The following CTNNA2 variants were observed in gnomAD, a reference collection of about 807,000 sequenced individuals.
The protein encoded by CTNNA2 is catenin alpha 2.
Under a neutral mutation model 101.0 loss-of-function variants are expected in CTNNA2, and 42 were observed. That is an observed-to-expected ratio of 0.42 (90% CI 0.32 to 0.54). The LOEUF is 0.54. CTNNA2 is among the 20% of genes least tolerant of loss of function. CTNNA2 has a pLI of 0.14. For missense variants in CTNNA2, 871 were observed against 1,223.1 expected (o/e 0.71, Z 4.29); for synonymous variants, 450 against 456.4 (o/e 0.99, Z 0.18).
At chr2:80,311,597 G>A (rs1390501958) in intron 7 of CTNNA2, among the ~76,000 whole-genome samples, 1 of 152,204 alleles carries the variant, frequency 6.6e-6, no homozygotes, top group Non-Finnish European at 1.5e-5. Flanking sequence ...TTATTAAGTA[G>A]CTGGCCAGCC....
chr2:80,434,910 A>G (rs1363368185), intron 9 of CTNNA2, among the ~76,000 whole-genome samples: 1 of 152,112 alleles, frequency 6.6e-6, no homozygotes, highest in East Asian at 1.9e-4. Flanking sequence ...TCTACTTTGA[A>G]TGAGTTTTTT....
At chr2:79,344,069 G>A (rs929648797) in intron 3 of CTNNA2, among the ~76,000 whole-genome samples, 1 of 152,126 alleles carries the variant, frequency 6.6e-6, no homozygotes, top group African/African-American at 2.4e-5. Flanking sequence ...TAGGTTGCCA[G>A]TCCTGGGCAG....
At chr2:80,522,453 C>T (rs1289137412) in intron 9 of CTNNA2, among the ~76,000 whole-genome samples, 2 of 152,106 alleles carry the variant, frequency 1.3e-5, no homozygotes, top group Admixed American at 6.5e-5. Context: ...GAACTGTGAC[C>T]GTTGCATTGA....
intron 3 of CTNNA2, among the ~76,000 whole-genome samples, chr2:79,755,046 C>A (rs934353392): frequency 1.3e-5 from 2 of 151,966 alleles, no homozygotes; most frequent in African/African-American, 4.8e-5. Flanking sequence ...CTATTCACAG[C>A]CGGGTACAGT....
At chr2:79,604,257 T>G in intron 1 of CTNNA2, among the ~76,000 whole-genome samples, 1 of 152,178 alleles carries the variant, frequency 6.6e-6, no homozygotes, top group East Asian at 1.9e-4. Context: ...AAGTCAATTA[T>G]GGAGTAAGGG....
At chr2:80,524,609 T>G (rs572778830) in intron 9 of CTNNA2, among the ~76,000 whole-genome samples, 1 of 152,260 alleles carries the variant, frequency 6.6e-6, no homozygotes, top group South Asian at 2.1e-4. Context: ...TACCCCAGTC[T>G]CTTTGGCCAT....
At chr2:79,384,177 G>A (rs540372949) in intron 4 of CTNNA2, among the ~76,000 whole-genome samples, 1 of 152,162 alleles carries the variant, frequency 6.6e-6, no homozygotes, top group Non-Finnish European at 1.5e-5. Flanking sequence ...AGCGTAAATT[G>A]CAGACCCATC....
At chr2:79,633,712 C>T (rs548153031) in intron 1 of CTNNA2, 13 of 152,312 alleles carry the variant, frequency 8.5e-5, no homozygotes, top group Middle Eastern at 3.4e-3. Context: ...TCAAAGGAAG[C>T]GTTTCATTCC....
chr2:80,435,752 C>T (rs1007984017), intron 9 of CTNNA2, among the ~76,000 whole-genome samples: 3 of 152,164 alleles, frequency 2.0e-5, no homozygotes, highest in Non-Finnish European at 2.9e-5. Flanking sequence ...ACTCCATAAG[C>T]GCTTAATAGC....
At chr2:80,523,023 A>G (rs1689704981) in intron 9 of CTNNA2, among the ~76,000 whole-genome samples, 1 of 152,146 alleles carries the variant, frequency 6.6e-6, no homozygotes, top group South Asian at 2.1e-4. Context: ...TCAGAAAATT[A>G]CATAAAGGTA....
At chr2:79,769,135 A>G (rs944030160) in intron 3 of CTNNA2, among the ~76,000 whole-genome samples, 3 of 152,124 alleles carry the variant, frequency 2.0e-5, no homozygotes, top group Admixed American at 6.5e-5. Context: ...GATTACAGGC[A>G]TGAGCCACTG....
At chr2:79,294,241 G>GAAGAAGAAGAA (rs397973299) in intron 2 of CTNNA2, among the ~76,000 whole-genome samples, 123 of 133,248 alleles carry the variant, frequency 9.2e-4, no homozygotes, top group African/African-American at 3.3e-3. Flanking sequence ...AAGAAGAAGA[G>GAAGAAGAAGAA]GAGGAGGAGG....
chr2:79,521,056 G>A (rs754707883), intron 1 of CTNNA2, among the ~76,000 whole-genome samples: 5 of 128,702 alleles, frequency 3.9e-5, no homozygotes, highest in East Asian at 2.3e-4. Context: ...CAAAATACCT[G>A]TCAAATTCCT....
intron 7 of CTNNA2, among the ~76,000 whole-genome samples, chr2:80,161,554 C>A (rs907912771): frequency 6.6e-6 from 1 of 151,948 alleles, no homozygotes; most frequent in Non-Finnish European, 1.5e-5. Flanking sequence ...ACAAAAAAAA[C>A]AACCTGTACA....
At chr2:79,911,874 A>G (rs1470792160) in intron 7 of CTNNA2, among the ~76,000 whole-genome samples, 2 of 152,130 alleles carry the variant, frequency 1.3e-5, no homozygotes, top group East Asian at 1.9e-4. Flanking sequence ...CACCTTCATA[A>G]TTCCTGTCCA....
chr2:79,276,930 A>G (rs1366438775), intron 2 of CTNNA2, among the ~76,000 whole-genome samples: 1 of 152,144 alleles, frequency 6.6e-6, no homozygotes, highest in East Asian at 1.9e-4. Context: ...GCATGTTCAC[A>G]TGCGCATAGA....
intron 1 of CTNNA2, among the ~76,000 whole-genome samples, chr2:79,621,442 C>T (rs1678991905): frequency 6.6e-6 from 1 of 152,076 alleles, no homozygotes; most frequent in African/African-American, 2.4e-5. Flanking sequence ...ATGATGGGGA[C>T]ACATGTCAAA....
At chr2:79,219,500 G>A (rs1014665394) in intron 2 of CTNNA2, among the ~76,000 whole-genome samples, 1 of 152,072 alleles carries the variant, frequency 6.6e-6, no homozygotes, top group Non-Finnish European at 1.5e-5. Context: ...GCCATATGTG[G>A]CTAGTGACTA....
chr2:79,514,266 G>A (rs1014826089), intron 1 of CTNNA2, among the ~76,000 whole-genome samples: 7 of 152,162 alleles, frequency 4.6e-5, no homozygotes, highest in African/African-American at 1.4e-4. Context: ...AGACAGTTTT[G>A]GAGAAATGAG....
Sources: gnomAD v4.1 joint callset for allele counts (sites outside exome capture counted in the v4.1 genomes callset) on GRCh38, gnomAD v4.1.1 for gene constraint, MANE v1.5 for transcripts, NCBI Gene and HGNC (gene_info 2026-07-23, HGNC 2026-07-21) for gene names.